The following NOL11 variants were observed in gnomAD, a reference collection of about 807,000 sequenced individuals.
The protein encoded by NOL11 is nucleolar protein 11.
Under a neutral mutation model 93.0 loss-of-function variants are expected in NOL11, and 42 were observed. That is an observed-to-expected ratio of 0.45 (90% CI 0.35 to 0.58). NOL11 has a LOEUF of 0.58. NOL11 is among the 20% of genes least tolerant of loss of function. The pLI is 0.00. For synonymous variants in NOL11, 296 were observed against 293.7 expected (o/e 1.01, Z -0.08); for missense variants, 775 against 841.8 (o/e 0.92, Z 0.98).
intron 2 of NOL11, 29 bp downstream of exon 2, chr17:67,719,816 T>C: frequency 1.3e-6 from 2 of 1,485,124 alleles, no homozygotes; most frequent in Non-Finnish European, 1.8e-6. Context: ...GTATAATATA[T>C]ACAATATAAA....
intron 3 of NOL11, among the ~76,000 whole-genome samples, 167 bp from the exon 4 acceptor site, chr17:67,721,210 AT>A (rs757359143): frequency 3.3e-5 from 5 of 152,214 alleles, no homozygotes; most frequent in Non-Finnish European, 4.4e-5. Flanking sequence ...AGACTTCTAA[AT>A]GTGTTTTGTG....
intron 4 of NOL11, 64 bp downstream of exon 4, chr17:67,721,590 TGTTCAAAA>T (rs1192426836): frequency 6.6e-6 from 9 of 1,364,042 alleles, no homozygotes; most frequent in Non-Finnish European, 8.3e-6. Context: ...TTTTTTGCCT[TGTTCAAAA>T]GTATTTTGGT....
chr17:67,718,657 C>T (rs545826033), intron 1 of NOL11, among the ~76,000 whole-genome samples: 5 of 152,236 alleles, frequency 3.3e-5, no homozygotes, highest in African/African-American at 9.6e-5. Context: ...ATCTGCAAGC[C>T]CTGCCCCCAT....
At chr17:67,719,439 T>G in intron 1 of NOL11, 1 of 285,868 alleles carries the variant, frequency 3.5e-6, no homozygotes, top group Non-Finnish European at 6.7e-6. Flanking sequence ...TTTTGTGTTT[T>G]TAGTAGAGAC....
At position 67,719,777 on chromosome 17, in the gene NOL11, A is replaced by G; in HGVS notation, c.245A>G (p.His82Arg). The part of the protein sequence containing the change: ...NFQTGEYVVV[H>R]DNKVLRIWNN... ...CAAACTGGAGAGTATGTTGTTGTAC[A>G]CGATAATAAGGTGAGTTTTAAAACT... Residue 82 changes from histidine (H) to arginine (R), a missense_variant, in exon 2 of 18, where the codon CAC (histidine) becomes CGC (arginine). Transcript: ENST00000253247. 1.3e-6 allele frequency: 2 copies of G among 1,597,556 alleles called. No homozygotes were observed. The highest frequency in any genetic ancestry group is 1.7e-6 in the Non-Finnish European group (2 of 1,169,342).
chr17:67,733,800 G>C (rs1344162240), intron 7 of NOL11, among the ~76,000 whole-genome samples: 2 of 152,166 alleles, frequency 1.3e-5, no homozygotes, highest in African/African-American at 4.8e-5. Context: ...GTGCTGCACT[G>C]ATTGGTTTTC....
intron 12 of NOL11, 57 bp from the exon 13 acceptor site, chr17:67,737,790 T>A (rs2143133817): frequency 1.3e-6 from 2 of 1,585,758 alleles, no homozygotes; most frequent in Non-Finnish European, 1.7e-6. Flanking sequence ...CTTATAAATG[T>A]TCTGCAGTTG....
At chr17:67,739,215 T>G (rs1258762513) in intron 15 of NOL11, among the ~76,000 whole-genome samples, 1 of 152,198 alleles carries the variant, frequency 6.6e-6, no homozygotes, top group Non-Finnish European at 1.5e-5. Context: ...TGTGCCAAAC[T>G]TGAAGGCCAA....
chr17:67,737,110 G>A lies in NOL11; in HGVS notation c.1183G>A (p.Val395Ile). 1.2e-6 allele frequency: 2 copies of A among 1,611,640 alleles called. No homozygotes were observed. The highest frequency in any genetic ancestry group is 1.7e-6 in the Non-Finnish European group (2 of 1,177,964). ...RKIEVSLQPE[V>I]PPSKQLLSTI... ...AATTGAAGTGAGTTTACAGCCAGAG[G>A]TTCCACCATCCAAACAACTTTTGTC... The change falls in exon 11 of 18, where the codon GTT becomes ATT. Residue 395 changes from valine (V) to isoleucine (I), a missense_variant. By Grantham distance (29) the Val-to-Ile change is conservative. Coordinates refer to ENST00000253247, the MANE Select transcript of NOL11 (RefSeq NM_015462.5).
intron 7 of NOL11, among the ~76,000 whole-genome samples, chr17:67,733,373 C>G (rs928378269): frequency 6.6e-6 from 1 of 152,142 alleles, no homozygotes; most frequent in Non-Finnish European, 1.5e-5. Context: ...TCAAAACAAA[C>G]AAACAAAAAT....
At position 67,719,662 on chromosome 17, in the gene NOL11, T is replaced by C; in HGVS notation, c.142-12T>C. ...GACTTCTTGAATATTGTATTTATCT[T>C]AATTTCATTAGGTTTCTGATCAGAA... is the stretch of plus-strand genomic sequence containing the variant. On this transcript the variant is annotated splice_polypyrimidine_tract_variant and intron_variant, in intron 1 of 17. Coordinates refer to ENST00000253247, the MANE Select transcript of NOL11 (RefSeq NM_015462.5). 2 of 1,346,976 alleles carry C rather than the reference T, an allele frequency of 1.5e-6. No homozygotes were observed. Among genetic ancestry groups the C allele is most frequent in the South Asian group, 1.2e-5 (1 of 81,402 alleles). The allele number at this position is 1,346,976 out of a possible 1,614,324, so 83.4% of individuals were successfully genotyped here. A position where few individuals can be genotyped will look rare whatever the true frequency, so the allele number is the denominator to read the frequency against.
intron 5 of NOL11, 113 bp downstream of exon 5, chr17:67,722,750 C>G (rs571463641): frequency 7.4e-7 from 1 of 1,357,674 alleles, no homozygotes; most frequent in Admixed American, 3.4e-5. Context: ...AGTGGTGCCA[C>G]GATGGTTCAC....
chr17:67,730,519 C>T (rs1326195965), intron 7 of NOL11, among the ~76,000 whole-genome samples: 5 of 152,202 alleles, frequency 3.3e-5, no homozygotes, highest in African/African-American at 9.7e-5. Context: ...CTCAGCCTCC[C>T]GAAGTGCTGG....
chr17:67,733,517 T>C (rs2055174224), intron 7 of NOL11, among the ~76,000 whole-genome samples: 2 of 152,214 alleles, frequency 1.3e-5, no homozygotes, highest in Admixed American at 1.3e-4. Context: ...GATAGTTGCG[T>C]AGAATAGCAG....
chr17:67,722,493 G>T, intron 4 of NOL11, 87 bp from the exon 5 acceptor site: 2 of 1,480,784 alleles, frequency 1.4e-6, no homozygotes, highest in East Asian at 2.6e-5. Flanking sequence ...AATATTTAAT[G>T]AAAACTTTGA....
chr17:67,722,460 CTGA>C, intron 4 of NOL11, 117 bp from the exon 5 acceptor site: 1 of 1,422,850 alleles, frequency 7.0e-7, no homozygotes, highest in South Asian at 1.4e-5. Flanking sequence ...TAAGTGTTCT[CTGA>C]TGTCTTTCTG....
intron 3 of NOL11, chr17:67,720,300 C>CTTT (rs766269065): frequency 5.3e-5 from 7 of 132,466 alleles, no homozygotes; most frequent in South Asian, 4.8e-4. Flanking sequence ...GTGTATTGTA[C>CTTT]TTTTTTTTTT....
At position 67,719,894 on chromosome 17, in the gene NOL11, T is replaced by C; in HGVS notation, c.256-12T>C. On this transcript the variant is annotated splice_polypyrimidine_tract_variant and intron_variant, in intron 2 of 17. Coordinates refer to ENST00000253247, the MANE Select transcript of NOL11 (RefSeq NM_015462.5). ...AATAGGATAGTTTTTAACTAGTATGTTTTGATTTAAGGTTTTAAGAATATG... is the reference window on the plus strand; with the variant it reads ...AATAGGATAGTTTTTAACTAGTATGCTTTGATTTAAGGTTTTAAGAATATG... The C allele has an allele frequency of 6.4e-7, 1 of 1,561,164 alleles. No individual in the cohort carries two copies. The highest frequency in any genetic ancestry group is 8.7e-7 in the Non-Finnish European group (1 of 1,144,720).
chr17:67,742,474 C>G (rs2055265396), intron 16 of NOL11, among the ~76,000 whole-genome samples: 1 of 152,024 alleles, frequency 6.6e-6, no homozygotes, highest in South Asian at 2.1e-4. Context: ...TGTCTTTTTA[C>G]TCTCTTTAGT....
Sources: allele counts gnomAD v4.1 joint callset (sites outside exome capture counted in the v4.1 genomes callset), GRCh38; gene constraint gnomAD v4.1.1; transcripts MANE v1.5; gene names NCBI Gene and HGNC (gene_info 2026-07-23, HGNC 2026-07-21).